ZNF660: variants seen among roughly 807,000 people sequenced by gnomAD.
The protein encoded by ZNF660 is zinc finger protein 660.
ZNF660 carries 24 observed loss-of-function variants against 23.2 expected under a neutral mutation model. The observed-to-expected ratio is 1.04, with a 90% CI of 0.75 to 1.46. The LOEUF (loss-of-function observed/expected upper bound fraction) is 1.46. Ranked by LOEUF, ZNF660 falls within the 40% of genes most tolerant of loss-of-function variation. ZNF660 has a pLI of 0.00. For synonymous variants in ZNF660, 117 were observed against 131.4 expected (o/e 0.89, Z 0.75); for missense variants, 373 against 396.8 (o/e 0.94, Z 0.51).
intron 2 of ZNF660, among the ~76,000 whole-genome samples, chr3:44,593,306 T>C (rs1454915317): frequency 3.3e-5 from 5 of 152,316 alleles, no homozygotes; most frequent in Admixed American, 6.5e-5. Flanking sequence ...ACAGTATCAC[T>C]AGTACTAGGG....
At chr3:44,591,756 A>G (rs1031873431) in intron 2 of ZNF660, among the ~76,000 whole-genome samples, 4 of 152,232 alleles carry the variant, frequency 2.6e-5, no homozygotes, top group African/African-American at 9.6e-5. Flanking sequence ...GCACTTTGGG[A>G]GGCCGAGGCA....
chr3:44,589,305 T>C (rs1327037001), intron 2 of ZNF660, among the ~76,000 whole-genome samples: 1 of 152,238 alleles, frequency 6.6e-6, no homozygotes, highest in Non-Finnish European at 1.5e-5. Flanking sequence ...ACGGGGATAC[T>C]GTTGTGAGTT....
intron 2 of ZNF660, among the ~76,000 whole-genome samples, chr3:44,591,619 A>T (rs1259926101): frequency 6.6e-6 from 1 of 152,250 alleles, no homozygotes; most frequent in East Asian, 1.9e-4. Flanking sequence ...AATGTCCAAC[A>T]CTAGCAAAAT....
intron 2 of ZNF660, among the ~76,000 whole-genome samples, chr3:44,590,278 T>G (rs999375573): frequency 3.9e-5 from 6 of 152,158 alleles, no homozygotes; most frequent in Admixed American, 2.0e-4. Context: ...CTCACAGTTC[T>G]GCAGCCTAGA....
At chr3:44,593,924 C>T (rs1344249810) in intron 2 of ZNF660, 90 bp from the exon 3 acceptor site, 5 of 547,592 alleles carry the variant, frequency 9.1e-6, no homozygotes, top group South Asian at 7.9e-5. Context: ...TTAACCCTTC[C>T]ATATGGCTAC....
chr3:44,594,749 G>T lies in ZNF660; in HGVS notation c.556G>T (p.Gly186Ter). ...NLTQHQRMHR[G>*]KKVYKCKECG... is the part of the protein sequence containing the mutation. ...TACTCAACATCAGCGAATGCACAGAGGAAAAAAAGTTTACAAATGTAAGGA... is the reference window on the plus strand; with the variant it reads ...TACTCAACATCAGCGAATGCACAGATGAAAAAAAGTTTACAAATGTAAGGA... Residue 186 changes from glycine (G) to a stop codon, truncating the protein, a stop_gained, in exon 3 of 3, where the codon GGA becomes TGA. Transcript: ENST00000322734. LOFTEE classifies it high-confidence loss of function. The T allele has an allele frequency of 6.2e-7, 1 of 1,613,982 alleles. No individual in the cohort carries two copies. The highest frequency in any genetic ancestry group is 8.5e-7 in the Non-Finnish European group (1 of 1,179,990).
chr3:44,585,542 G>A (rs1032806024), intron 1 of ZNF660, among the ~76,000 whole-genome samples: 5 of 152,198 alleles, frequency 3.3e-5, no homozygotes, highest in African/African-American at 1.2e-4. Context: ...GGGGAGAAAT[G>A]AAACAAACTT....
In ZNF660 at chr3:44,594,161, G is replaced by C; in HGVS notation, c.-33G>C. 6.2e-7 allele frequency: 1 copy of C among 1,612,062 alleles called. No individual in the cohort carries two copies. The highest frequency in any genetic ancestry group is 8.5e-7 in the Non-Finnish European group (1 of 1,179,378). ...TCCTCTGAAGGGAAAGAGAAGACTA[G>C]AGAGGACACTGGTATGTTCCAAGCA... On this transcript the variant is annotated 5_prime_UTR_variant, in exon 3 of 3. Transcript: ENST00000322734.
At chr3:44,590,698 AAAGAG>A (rs1348776721) in intron 2 of ZNF660, among the ~76,000 whole-genome samples, 4 of 152,242 alleles carry the variant, frequency 2.6e-5, no homozygotes, top group Admixed American at 1.3e-4. Flanking sequence ...TGTATGAAGA[AAAGAG>A]AAGTTCCAGA....
chr3:44,586,271 G>C (rs1205685642), intron 2 of ZNF660, 58 bp downstream of exon 2: 2 of 152,386 alleles, frequency 1.3e-5, no homozygotes, highest in South Asian at 2.1e-4. Context: ...GTTAGTCTGG[G>C]CACAGGAATC....
At position 44,594,701 on chromosome 3, in the gene ZNF660, G is replaced by A. The variant is rs542326174; in HGVS notation, c.508G>A (p.Ala170Thr). Residue 170 changes from alanine (A) to threonine (T), a missense_variant, in exon 3 of 3, where the codon GCC becomes ACC. Ala to Thr is a moderately conservative substitution (Grantham distance 58). Transcript: ENST00000322734. ...KPYSCIECGK[A>T]FSRSSNLTQH... Reference sequence around the variant, plus strand: ...CTATTCTTGTATTGAGTGTGGGAAAGCCTTTAGCCGTAGTTCAAACCTTAC... The same window carrying A: ...CTATTCTTGTATTGAGTGTGGGAAAACCTTTAGCCGTAGTTCAAACCTTAC... 29 of 1,614,132 alleles carry A rather than the reference G, an allele frequency of 1.8e-5. No individual in the cohort carries two copies. The South Asian group carries it at 1.9e-4, about 10-fold the overall frequency.
At chr3:44,587,874 A>C (rs962340495) in intron 2 of ZNF660, among the ~76,000 whole-genome samples, 1 of 152,068 alleles carries the variant, frequency 6.6e-6, no homozygotes, top group African/African-American at 2.4e-5. Flanking sequence ...ACCAACATGG[A>C]GAAACCCCAT....
Position 44,597,897 on chromosome 3 carries a change from G to A in ZNF660, c.*2708G>A, listed in dbSNP as rs1700664879. 1 of 152,166 alleles carries A rather than the reference G, an allele frequency of 6.6e-6. No individual in the cohort carries two copies. Among genetic ancestry groups the A allele is most frequent in the African/African-American group, 2.4e-5 (1 of 41,428 alleles). The allele number at this position is 152,166 out of a possible 1,614,324, so 9.4% of individuals were successfully genotyped here. A position where few individuals can be genotyped will look rare whatever the true frequency, so the allele number is the denominator to read the frequency against. ...TCACCCATCTTCTAGGCTAATACCT[G>A]CCTTGAGCTGTAGGAATAAACACTT... is the stretch of plus-strand genomic sequence containing the variant. On this transcript the variant is annotated 3_prime_UTR_variant, in exon 3 of 3. Coordinates refer to ENST00000322734, the MANE Select transcript of ZNF660 (RefSeq NM_173658.4). The surrounding 1 kb of genome is among the most constrained non-coding windows in gnomAD (Gnocchi z 4.1).
rs758462311 is a variant in ZNF660 at position 44,595,149 on chromosome 3, A to AAC, written c.959_960dup (p.Gln321ThrfsTer14). On this transcript the variant is annotated frameshift_variant, in exon 3 of 3. Transcript: ENST00000322734. LOFTEE classifies it high-confidence loss of function. ...TATCGGTATAGTTCACAGCTTATTC[A>AAC]ACACCAGAGGAAACATAATGAGGAG... 6.3e-7 allele frequency: 1 copy of AAC among 1,597,894 alleles called. No homozygotes were observed. Among genetic ancestry groups the AAC allele is most frequent in the Non-Finnish European group, 8.5e-7 (1 of 1,172,970 alleles).
At chr3:44,591,103 T>G (rs1384438872) in intron 2 of ZNF660, among the ~76,000 whole-genome samples, 1 of 152,200 alleles carries the variant, frequency 6.6e-6, no homozygotes, top group African/African-American at 2.4e-5. Context: ...GCTCCATTTA[T>G]CAGAAAGCTG....
chr3:44,590,077 C>T (rs1163506359), intron 2 of ZNF660, among the ~76,000 whole-genome samples: 1 of 151,174 alleles, frequency 6.6e-6, no homozygotes, highest in African/African-American at 2.4e-5. Context: ...TTGCTCCCTC[C>T]CTCCCCTAGT....
In ZNF660 at chr3:44,597,281, G is replaced by T. The variant is rs1288019772; in HGVS notation, c.*2092G>T. On this transcript the variant is annotated 3_prime_UTR_variant, in exon 3 of 3. Transcript: ENST00000322734. The surrounding 1 kb of genome is among the most constrained non-coding windows in gnomAD (Gnocchi z 4.1). ...TCCCAGGTAGCTGCCTCTATGAAAG[G>T]TGATTGTATCTAACAATTATTTGAT... 1 of 152,182 alleles carries T rather than the reference G, an allele frequency of 6.6e-6. No homozygotes were observed. The highest frequency in any genetic ancestry group is 2.4e-5 in the African/African-American group (1 of 41,444). The allele number at this position is 152,182 out of a possible 1,614,324, so 9.4% of individuals were successfully genotyped here.
intron 2 of ZNF660, among the ~76,000 whole-genome samples, chr3:44,587,842 T>G (rs1464625099): frequency 6.6e-6 from 1 of 152,042 alleles, no homozygotes. Flanking sequence ...TCACCTGAGG[T>G]TGGGAGTTTG....
chr3:44,599,190 A>T lies in ZNF660; in HGVS notation c.*4001A>T, dbSNP rs769905882. The T allele has an allele frequency of 1.6e-4, 25 of 152,206 alleles. No individual in the cohort carries two copies. Among genetic ancestry groups the T allele is most frequent in the Non-Finnish European group, 3.1e-4 (21 of 68,046 alleles). 9.4% of individuals were successfully genotyped at this position (152,206 alleles called of 1,614,324 possible). ...AAAGAGGCAATAATTTTAGCCACAG[A>T]CATCCTGGTTATATAGAATTGCTCC... On this transcript the variant is annotated 3_prime_UTR_variant, in exon 3 of 3. Transcript: ENST00000322734.
Sources: gnomAD v4.1 joint callset for allele counts (sites outside exome capture counted in the v4.1 genomes callset) on GRCh38, gnomAD v4.1.1 for gene constraint, Gnocchi (gnomAD v3.1) non-coding constraint, MANE v1.5 for transcripts, NCBI Gene and HGNC (gene_info 2026-07-23, HGNC 2026-07-21) for gene names.